Variants in DIP2C observed in about 807,000 individuals in gnomAD.
DIP2C encodes the protein disco-interacting protein 2 homolog C.
In DIP2C, 33 loss-of-function variants were observed where a neutral mutation model predicts 192.4. That is an observed-to-expected ratio of 0.17 (90% CI 0.13 to 0.23). The LOEUF (loss-of-function observed/expected upper bound fraction) is 0.23. Ranked by LOEUF, DIP2C falls within the 10% of genes least tolerant of loss-of-function variation. The pLI is 1.00. For missense variants in DIP2C, 1,537 were observed against 2,110.1 expected (o/e 0.73, Z 5.32); for synonymous variants, 979 against 864.1 (o/e 1.13, Z -2.33).
chr10:443,341 C>T (rs1967899647), intron 3 of DIP2C, among the ~76,000 whole-genome samples: 1 of 152,182 alleles, frequency 6.6e-6, no homozygotes, highest in East Asian at 1.9e-4. Flanking sequence ...TCAATATGAA[C>T]TCATGGAGTC....
At chr10:305,825 T>C (rs1375156512) in intron 32 of DIP2C, among the ~76,000 whole-genome samples, 1 of 151,942 alleles carries the variant, frequency 6.6e-6, no homozygotes, top group Non-Finnish European at 1.5e-5. Context: ...TTAAAAAATG[T>C]TGTAGAGATG....
intron 1 of DIP2C, among the ~76,000 whole-genome samples, chr10:489,828 A>C (rs1588280457): frequency 4.5e-5 from 3 of 67,240 alleles, no homozygotes; most frequent in Admixed American, 1.5e-4. Flanking sequence ...GGCTTCCTCC[A>C]CCTTCACACT....
At chr10:364,816 T>A in intron 19 of DIP2C, 1 of 624,314 alleles carries the variant, frequency 1.6e-6, no homozygotes, top group Non-Finnish European at 2.9e-6. Context: ...TCCACTCACC[T>A]GCTGGAGCCT....
At chr10:637,516 C>G (rs1290976294) in intron 1 of DIP2C, among the ~76,000 whole-genome samples, 1 of 152,198 alleles carries the variant, frequency 6.6e-6, no homozygotes, top group East Asian at 1.9e-4. Context: ...GGTCCGCACA[C>G]AGTGGAAGGA....
At chr10:472,392 G>A (rs1273874341) in intron 3 of DIP2C, 47 bp downstream of exon 3, 1 of 1,559,474 alleles carries the variant, frequency 6.4e-7, no homozygotes, top group South Asian at 1.1e-5. Flanking sequence ...CACCGTCCTG[G>A]CACAGGTGGC....
chr10:426,491 A>C (rs191818820), intron 4 of DIP2C, among the ~76,000 whole-genome samples: 12 of 152,348 alleles, frequency 7.9e-5, no homozygotes, highest in Non-Finnish European at 1.3e-4. Context: ...GTGTGTGTGA[A>C]ATTGAAAGCT....
At chr10:540,180 G>T (rs1308300541) in intron 1 of DIP2C, among the ~76,000 whole-genome samples, 1 of 152,266 alleles carries the variant, frequency 6.6e-6, no homozygotes, top group African/African-American at 2.4e-5. Flanking sequence ...TGATGTGCGT[G>T]TTTTAAAGTC....
chr10:324,453 C>T (rs1200598623), intron 31 of DIP2C, among the ~76,000 whole-genome samples: 1 of 152,178 alleles, frequency 6.6e-6, no homozygotes, highest in African/African-American at 2.4e-5. Flanking sequence ...GCTCGCATTG[C>T]TTTGTACATA....
At chr10:320,508 C>CAAAAAA (rs71505870) in intron 31 of DIP2C, among the ~76,000 whole-genome samples, 2 of 106,724 alleles carry the variant, frequency 1.9e-5, no homozygotes, top group Admixed American at 2.0e-4. Flanking sequence ...GACTCCGTCT[C>CAAAAAA]AAAAAAAAAA....
chr10:277,235 G>GT lies in DIP2C; in HGVS notation c.*89dup. On this transcript the variant is annotated 3_prime_UTR_variant, in exon 37 of 37. Transcript: ENST00000280886. ...TCTCACCACAAATGGCTGTATTCTG[G>GT]TGAGTGTTGCCCTGTGTCTGCACGC... is the stretch of plus-strand genomic sequence containing the variant. 1 of 1,543,300 alleles carries GT rather than the reference G, an allele frequency of 6.5e-7. No homozygotes were observed. The highest frequency in any genetic ancestry group is 8.7e-7 in the Non-Finnish European group (1 of 1,144,982).
At chr10:293,298 G>A (rs780197202) in intron 32 of DIP2C, among the ~76,000 whole-genome samples, 3 of 152,224 alleles carry the variant, frequency 2.0e-5, no homozygotes, top group African/African-American at 4.8e-5. Flanking sequence ...TGCCAACTCT[G>A]TGGCATTTCA....
At chr10:457,396 T>G (rs912561579) in intron 3 of DIP2C, among the ~76,000 whole-genome samples, 1 of 152,172 alleles carries the variant, frequency 6.6e-6, no homozygotes, top group African/African-American at 2.4e-5. Context: ...AAATTTTGAT[T>G]CATCATTTTT....
chr10:352,259 A>G (rs1479711161), intron 24 of DIP2C, among the ~76,000 whole-genome samples: 1 of 152,258 alleles, frequency 6.6e-6, no homozygotes. Context: ...CCAGCAGCCA[A>G]GAGTGTCTTT....
At chr10:617,375 G>A (rs1167344768) in intron 1 of DIP2C, among the ~76,000 whole-genome samples, 1 of 152,164 alleles carries the variant, frequency 6.6e-6, no homozygotes. Flanking sequence ...TCAAATGTGA[G>A]ATGGGAATGG....
At position 327,097 on chromosome 10, in the gene DIP2C, G is replaced by A. The variant is rs759316827; in HGVS notation, c.3833C>T (p.Ser1278Leu). ...EERPRIALTQ[S>L]FSKLFKDLGL... ...CAGGTCCTTAAACAGCTTTGAGAACGACTGTGTGAGTGCGATCCGAGGCCT... is the reference window on the plus strand; with the variant it reads ...CAGGTCCTTAAACAGCTTTGAGAACAACTGTGTGAGTGCGATCCGAGGCCT... Residue 1278 changes from serine (S) to leucine (L), a missense_variant, in exon 31 of 37, where the codon TCG becomes TTG. By Grantham distance (145) the Ser-to-Leu change is moderately radical. This residue lies in a region of DIP2C where 341 missense variants were observed against 551.7 expected (regional missense o/e 0.62). Transcript: ENST00000280886. 5.6e-6 allele frequency: 9 copies of A among 1,614,130 alleles called. No homozygotes were observed. Among genetic ancestry groups the A allele is most frequent in the South Asian group, 1.1e-5 (1 of 91,070 alleles).
chr10:457,382 TCA>T, intron 3 of DIP2C, among the ~76,000 whole-genome samples: 1 of 152,234 alleles, frequency 6.6e-6, no homozygotes, highest in East Asian at 1.9e-4. Flanking sequence ...CCACAGCATC[TCA>T]CAAATTTTGA....
intron 29 of DIP2C, among the ~76,000 whole-genome samples, chr10:336,987 TGTGTGTTGTGGAG>T: frequency 1.8e-5 from 2 of 114,056 alleles, no homozygotes; most frequent in Admixed American, 9.6e-5. Context: ...GCTGTGTGTG[TGTGTGTTGTGGAG>T]GCCTAGGCAG....
chr10:388,558 GAAGTA>G (rs1394436563), intron 13 of DIP2C, among the ~76,000 whole-genome samples: 1 of 152,166 alleles, frequency 6.6e-6, no homozygotes, highest in South Asian at 2.1e-4. Flanking sequence ...TGAAAGTAGT[GAAGTA>G]AAGAGCGAAC....
chr10:688,293 C>A (rs1315856586), intron 1 of DIP2C, among the ~76,000 whole-genome samples: 1 of 152,164 alleles, frequency 6.6e-6, no homozygotes, highest in Non-Finnish European at 1.5e-5. Flanking sequence ...CCTCGCGGAA[C>A]CCCACATCTG....
Sources: allele counts gnomAD v4.1 joint callset (sites outside exome capture counted in the v4.1 genomes callset), GRCh38; gene constraint gnomAD v4.1.1; regional missense constraint gnomAD v4.1.1; transcripts MANE v1.5; gene names NCBI Gene and HGNC (gene_info 2026-07-23, HGNC 2026-07-21).